Variants in IGSF10 observed in about 807,000 individuals in gnomAD.
IGSF10 encodes the protein immunoglobulin superfamily member 10.
IGSF10 carries 126 observed loss-of-function variants against 128.2 expected under a neutral mutation model. The ratio of observed to expected loss-of-function variants is 0.98; its 90% CI spans 0.85 to 1.14. The LOEUF is 1.14. Among genes scored for constraint, IGSF10 ranks in the 50% most tolerant of loss-of-function variants. IGSF10 has a pLI of 0.00. For missense variants in IGSF10, 3,295 were observed against 3,149.8 expected (o/e 1.05, Z -1.10); for synonymous variants, 1,185 against 1,146.2 (o/e 1.03, Z -0.68).
chr3:151,563,247 A>T, the IGSF10 span, among the ~76,000 whole-genome samples: 5 of 151,714 alleles, frequency 3.3e-5, no homozygotes, highest in African/African-American at 1.2e-4. Context: ...CTTTCTTCCC[A>T]TTTCTCCTAC....
At chr3:151,476,628 G>A in the IGSF10 span, among the ~76,000 whole-genome samples, 1 of 152,150 alleles carries the variant, frequency 6.6e-6, no homozygotes, top group Non-Finnish European at 1.5e-5. Context: ...GGCCTGAGAA[G>A]GGAGGAGTTA....
Position 151,446,372 on chromosome 3 carries a change from A to C in IGSF10, c.3609T>G (p.Ile1203Met). 3 of 1,612,898 alleles carry C rather than the reference A, an allele frequency of 1.9e-6. No individual in the cohort carries two copies. The highest frequency in any genetic ancestry group is 1.7e-6 in the Non-Finnish European group (2 of 1,179,016). ...IAITRFSRRK[I>M]PWQQNFVNNH... ...TATTTACAAAGTTCTGTTGCCAGGG[A>C]ATTTTCCTTCTTGAAAACCTTGTAA... Residue 1203 changes from isoleucine to methionine, a missense_variant, in exon 6 of 8, where the codon ATT (isoleucine) becomes ATG (methionine). Ile to Met is a conservative substitution (Grantham distance 10). Coordinates refer to ENST00000282466, the MANE Select transcript of IGSF10 (RefSeq NM_178822.5).
the IGSF10 span, among the ~76,000 whole-genome samples, chr3:151,543,888 A>G: frequency 6.6e-6 from 1 of 152,026 alleles, no homozygotes; most frequent in Admixed American, 6.6e-5. Flanking sequence ...CCCTACCCCT[A>G]AGTGCTCAAA....
chr3:151,514,422 A>G, the IGSF10 span, among the ~76,000 whole-genome samples: 2 of 152,184 alleles, frequency 1.3e-5, no homozygotes, highest in African/African-American at 4.8e-5. Flanking sequence ...GCCATATGTA[A>G]AAAGTTGAAA....
At chr3:151,496,154 T>C in the IGSF10 span, among the ~76,000 whole-genome samples, 2 of 151,962 alleles carry the variant, frequency 1.3e-5, no homozygotes, top group African/African-American at 4.8e-5. Context: ...TTCAGCAAAG[T>C]AGGTCTCATT....
Position 151,446,489 on chromosome 3 carries a change from ACGTGGGTAACTGGCGTTTACTT to A in IGSF10, c.3470_3491del (p.Lys1157MetfsTer13), listed in dbSNP as rs749333938. On this transcript the variant is annotated frameshift_variant, in exon 6 of 8. Coordinates refer to ENST00000282466, the MANE Select transcript of IGSF10 (RefSeq NM_178822.5). LOFTEE classifies it high-confidence loss of function. ...TTTTAGCTTCATTGGTGCTAGACACACGTGGGTAACTGGCGTTTACTTTGTGAGTTTTTTCCATGGGTATGGA... is the reference window on the plus strand; with the variant it reads ...TTTTAGCTTCATTGGTGCTAGACACATGTGAGTTTTTTCCATGGGTATGGA... 7.4e-6 allele frequency: 12 copies of A among 1,614,086 alleles called. No homozygotes were observed. The highest frequency in any genetic ancestry group is 4.2e-6 in the Non-Finnish European group (5 of 1,180,044).
chr3:151,557,997 GTATATATAATATA>G, the IGSF10 span, among the ~76,000 whole-genome samples: 10 of 5,484 alleles, frequency 1.8e-3, no homozygotes, highest in African/African-American at 3.1e-3. Flanking sequence ...CAAATATAAA[GTATATATAATATA>G]TATATATAAT....
Position 151,437,184 on chromosome 3 carries a change from G to GA in IGSF10, c.7376dup (p.Lys2461Ter), listed in dbSNP as rs1720380041. 3 of 1,614,058 alleles carry GA rather than the reference G, an allele frequency of 1.9e-6. No homozygotes were observed. The highest frequency in any genetic ancestry group is 2.7e-5 in the African/African-American group (2 of 74,920). On this transcript the variant is annotated frameshift_variant, in exon 8 of 8. Transcript: ENST00000282466. LOFTEE classifies it low-confidence loss of function (END_TRUNC). ...TAGTCCATTTGATATTTGGCTTAGG[G>GA]ATTCCATCAGACACACAATGCAGTG...
At chr3:151,598,997 A>G in the IGSF10 span, among the ~76,000 whole-genome samples, 1 of 152,180 alleles carries the variant, frequency 6.6e-6, no homozygotes, top group African/African-American at 2.4e-5. Context: ...ATATAATCAA[A>G]TGTTATCCAT....
chr3:151,517,687 T>C, the IGSF10 span, among the ~76,000 whole-genome samples: 1 of 151,928 alleles, frequency 6.6e-6, no homozygotes, highest in Non-Finnish European at 1.5e-5. Flanking sequence ...AAGGGAGGAA[T>C]TTTTAAACAA....
the IGSF10 span, among the ~76,000 whole-genome samples, chr3:151,511,321 A>C: frequency 1.3e-5 from 2 of 152,210 alleles, no homozygotes; most frequent in Non-Finnish European, 2.9e-5. Context: ...CAACATTCTT[A>C]AAGAAAAGAA....
chr3:151,476,893 G>A, the IGSF10 span, among the ~76,000 whole-genome samples: 2 of 152,188 alleles, frequency 1.3e-5, no homozygotes, highest in Non-Finnish European at 2.9e-5. Flanking sequence ...ACCACCCTAG[G>A]AGTTGTGTTT....
the IGSF10 span, among the ~76,000 whole-genome samples, chr3:151,600,533 G>T: frequency 2.0e-5 from 3 of 152,036 alleles, no homozygotes. Flanking sequence ...AAAAGCTGTG[G>T]AGTAGTCCAA....
At chr3:151,537,438 A>G in the IGSF10 span, among the ~76,000 whole-genome samples, 1 of 152,218 alleles carries the variant, frequency 6.6e-6, no homozygotes, top group Non-Finnish European at 1.5e-5. Flanking sequence ...ATAGCCTGTC[A>G]CTAGGCAAGT....
Position 151,449,015 on chromosome 3 carries a change from A to T in IGSF10, c.966T>A (p.Asp322Glu). The T allele has an allele frequency of 6.2e-7, 1 of 1,614,226 alleles. No homozygotes were observed. The highest frequency in any genetic ancestry group is 8.5e-7 in the Non-Finnish European group (1 of 1,180,032). Residue 322 changes from aspartate to glutamate, a missense_variant, in exon 6 of 8, where the codon GAT becomes GAA. Coordinates refer to ENST00000282466, the MANE Select transcript of IGSF10 (RefSeq NM_178822.5). ...CCATGTTAGCTTCATTTCCAGACTG[A>T]TCTGTCATATTCAAAGTGAGGGAGC... ...PFGSLTLNMT[D>E]QSGNEANMVC...
At chr3:151,587,008 A>G in the IGSF10 span, among the ~76,000 whole-genome samples, 26 of 152,214 alleles carry the variant, frequency 1.7e-4, no homozygotes, top group Non-Finnish European at 3.5e-4. Context: ...AGTAGGAATT[A>G]ATAAAGTAAA....
At chr3:151,619,532 A>G in the IGSF10 span, among the ~76,000 whole-genome samples, 1 of 151,918 alleles carries the variant, frequency 6.6e-6, no homozygotes, top group Non-Finnish European at 1.5e-5. Context: ...GATTTATCAG[A>G]CAGTTGAGAA....
At chr3:151,468,101 G>T in the IGSF10 span, among the ~76,000 whole-genome samples, 3 of 152,162 alleles carry the variant, frequency 2.0e-5, no homozygotes, top group African/African-American at 7.2e-5. Context: ...AGTATTTCCT[G>T]CAGGGACTGA....
chr3:151,443,817 G>C lies in IGSF10; in HGVS notation c.5130C>G (p.Ile1710Met), dbSNP rs764699749. ...VQVLPNGTLSIQRVEIQDRGQ... is the reference protein window; with the variant it reads ...VQVLPNGTLSMQRVEIQDRGQ... ...CGCGGTCCTGAATTTCCACCCTCTG[G>C]ATGGACAGGGTACCATTGGGGAGAA... The change falls in exon 7 of 8, where the codon ATC (isoleucine) becomes ATG (methionine). Residue 1710 changes from isoleucine (I) to methionine (M), a missense_variant. Ile to Met is a conservative substitution (Grantham distance 10). Transcript: ENST00000282466. 3.1e-6 allele frequency: 5 copies of C among 1,613,968 alleles called. No individual in the cohort carries two copies. The African/African-American group carries it at 6.7e-5, about 22-fold the overall frequency.
Sources: gnomAD v4.1 joint callset for allele counts (sites outside exome capture counted in the v4.1 genomes callset) on GRCh38, gnomAD v4.1.1 for gene constraint, MANE v1.5 for transcripts, NCBI Gene and HGNC (gene_info 2026-07-23, HGNC 2026-07-21) for gene names.